ABCG1: variants seen among roughly 807,000 people sequenced by gnomAD.
ABCG1 encodes the protein ATP binding cassette subfamily G member 1, also known as ATP-binding cassette sub-family G member 1.
A neutral mutation model predicts 69.2 loss-of-function variants in ABCG1; 29 were observed. That is an observed-to-expected ratio of 0.42 (90% confidence interval 0.31 to 0.57). ABCG1 has a LOEUF of 0.57. Among genes scored for constraint, ABCG1 ranks in the 20% least tolerant of loss-of-function variants. The probability of loss-of-function intolerance (pLI) is 0.15; values close to 1 mark genes in which losing one functional copy is unlikely to be tolerated. For missense variants in ABCG1, 718 were observed against 898.1 expected (o/e 0.80, Z 2.56); for synonymous variants, 370 against 374.8 (o/e 0.99, Z 0.15).
upstream of ABCG1, among the ~76,000 whole-genome samples, chr21:42,215,330 T>C (rs900524487): frequency 5.9e-5 from 9 of 152,194 alleles, 1 homozygote; most frequent in South Asian, 1.4e-3. Context: ...GTCCTCAGTG[T>C]GCCCCTTTCT....
rs1265338725 is a variant in ABCG1 at position 42,273,751 on chromosome 21, C to T, written c.537+316C>T. Among the ~76,000 whole-genome samples, 2 of 152,222 alleles carry T rather than the reference C, an allele frequency of 1.3e-5. No homozygotes were observed. The highest frequency in any genetic ancestry group is 2.9e-5 in the Non-Finnish European group (2 of 68,044). On this transcript the variant is annotated intron_variant, in intron 4 of 14. Coordinates refer to ENST00000398449, the MANE Select transcript of ABCG1 (RefSeq NM_016818.3). The surrounding 1 kb of genome is among the most constrained non-coding windows in gnomAD (Gnocchi z 5.3). ...CTCCAGGGCAGCCACCATACTATTT[C>T]TCCTGCAGGCCAGTGCTTGGGATTC...
chr21:42,286,833 G>A (rs371053259), intron 8 of ABCG1, among the ~76,000 whole-genome samples: 10 of 152,314 alleles, frequency 6.6e-5, no homozygotes, highest in East Asian at 3.9e-4. Flanking sequence ...CCTCAATGTC[G>A]TCTGACCAGA....
chr21:42,222,828 T>TGCAA (rs2067751064), intron 1 of ABCG1, among the ~76,000 whole-genome samples: 1 of 152,238 alleles, frequency 6.6e-6, no homozygotes, highest in Non-Finnish European at 1.5e-5. Flanking sequence ...ATTTAATACT[T>TGCAA]TACATTGCAA....
chr21:42,245,055 C>T (rs1234762307), intron 2 of ABCG1, among the ~76,000 whole-genome samples: 1 of 152,242 alleles, frequency 6.6e-6, no homozygotes, highest in Non-Finnish European at 1.5e-5. Flanking sequence ...TCCACGAGCT[C>T]AGGCCTGCAG....
In ABCG1 at chr21:42,297,218, C is replaced by T. The variant is rs1019265743; in HGVS notation, c.*826C>T. On this transcript the variant is annotated 3_prime_UTR_variant, in exon 15 of 15. Coordinates refer to ENST00000398449, the MANE Select transcript of ABCG1 (RefSeq NM_016818.3). ...TTTTCCACGTGCTTCTTATTTTAAG[C>T]GAAATATATTGTTTGTTTCTTCCTA... 9 of 152,186 alleles carry T rather than the reference C, an allele frequency of 5.9e-5. No homozygotes were observed. The highest frequency in any genetic ancestry group is 5.2e-4 in the Admixed American group (8 of 15,272). 9.4% of individuals were successfully genotyped at this position (152,186 alleles called of 1,614,324 possible). A position where few individuals can be genotyped will look rare whatever the true frequency, so the allele number is the denominator to read the frequency against.
chr21:42,281,823 C>T (rs541067449), intron 5 of ABCG1, among the ~76,000 whole-genome samples: 2 of 152,344 alleles, frequency 1.3e-5, no homozygotes, highest in East Asian at 1.9e-4. Flanking sequence ...ACCATCACAG[C>T]GACCCTCCCC....
intron 2 of ABCG1, among the ~76,000 whole-genome samples, chr21:42,202,546 G>A (rs1423022157): frequency 6.7e-6 from 1 of 150,156 alleles, no homozygotes; most frequent in African/African-American, 2.5e-5. Context: ...TCCCTCTCTC[G>A]GCAGCTCCCA....
intron 13 of ABCG1, among the ~76,000 whole-genome samples, chr21:42,292,743 C>CTA (rs2069092434): frequency 1.4e-5 from 2 of 143,022 alleles, no homozygotes; most frequent in Non-Finnish European, 3.0e-5. Flanking sequence ...TGCATACACA[C>CTA]CACACTACAC....
chr21:42,244,736 A>T (rs1032469474), intron 2 of ABCG1, among the ~76,000 whole-genome samples: 4 of 152,210 alleles, frequency 2.6e-5, no homozygotes, highest in Non-Finnish European at 4.4e-5. Flanking sequence ...ACTCAAGGAC[A>T]GGGCTGTTTA....
intron 5 of ABCG1, among the ~76,000 whole-genome samples, chr21:42,277,831 G>A (rs1309376749): frequency 1.3e-5 from 2 of 152,172 alleles, no homozygotes; most frequent in African/African-American, 2.4e-5. Flanking sequence ...ACATACTGAG[G>A]AACAGTCATA....
Position 42,296,268 on chromosome 21 carries a change from T to C in ABCG1, c.1877T>C (p.Leu626Pro). ...TCHFQKSEAI[L>P]RELDVENAKL... ...CACTTCCAGAAGTCGGAGGCCATCC[T>C]GCGGGAGCTGGACGTGGAAAATGCC... The change falls in exon 15 of 15, where the codon CTG becomes CCG. Residue 626 changes from leucine (L) to proline (P), a missense_variant. Coordinates refer to ENST00000398449, the MANE Select transcript of ABCG1 (RefSeq NM_016818.3). The surrounding 1 kb of genome is among the most constrained non-coding windows in gnomAD (Gnocchi z 5.4). The C allele has an allele frequency of 6.2e-7, 1 of 1,614,206 alleles. No individual in the cohort carries two copies. Among genetic ancestry groups the C allele is most frequent in the South Asian group, 1.1e-5 (1 of 91,084 alleles).
chr21:42,257,017 A>G (rs1040249824), intron 2 of ABCG1, among the ~76,000 whole-genome samples: 1 of 152,176 alleles, frequency 6.6e-6, no homozygotes, highest in African/African-American at 2.4e-5. Context: ...ACCATTTTCT[A>G]TATGCCGGGC....
At position 42,267,016 on chromosome 21, in the gene ABCG1, A is replaced by C. The variant is rs569705925; in HGVS notation, c.287-4054A>C. Among the ~76,000 whole-genome samples, 12 of 152,250 alleles carry C rather than the reference A, an allele frequency of 7.9e-5. No homozygotes were observed. In the South Asian group the frequency reaches 2.5e-3, roughly 32 times the overall value. ...GCCTTGATTAATTGACTATGAATTT[A>C]TGTCCCCTAAAAAAGGATTAAGTTG... On this transcript the variant is annotated intron_variant, in intron 2 of 14. Coordinates refer to ENST00000398449, the MANE Select transcript of ABCG1 (RefSeq NM_016818.3).
intron 2 of ABCG1, among the ~76,000 whole-genome samples, chr21:42,252,422 G>C (rs1041396218): frequency 1.4e-4 from 22 of 152,140 alleles, no homozygotes; most frequent in African/African-American, 5.3e-4. Context: ...TCTGTGTGTG[G>C]ACGGGCCAAG....
intron 5 of ABCG1, among the ~76,000 whole-genome samples, chr21:42,281,460 C>G (rs1436633522): frequency 1.3e-5 from 2 of 152,202 alleles, no homozygotes. Context: ...TGAGTCGATA[C>G]AGGATCAATA....
intron 5 of ABCG1, among the ~76,000 whole-genome samples, chr21:42,278,850 G>A (rs2068755411): frequency 6.6e-6 from 1 of 152,108 alleles, no homozygotes; most frequent in Non-Finnish European, 1.5e-5. Flanking sequence ...TTGAGCCAGG[G>A]CGACCTTCAC....
At chr21:42,256,008 C>A (rs921435291) in intron 2 of ABCG1, 5 of 455,096 alleles carry the variant, frequency 1.1e-5, no homozygotes, top group African/African-American at 2.0e-5. Flanking sequence ...AGCCAGGGAG[C>A]CCCTAGAGCA....
In ABCG1 at chr21:42,276,715, G is replaced by C. The variant is rs1355656004; in HGVS notation, c.538-180G>C. The C allele has an allele frequency of 7.9e-6, 5 of 635,980 alleles. No individual in the cohort carries two copies. The highest frequency in any genetic ancestry group is 1.4e-5 in the Non-Finnish European group (5 of 361,020). 39.4% of individuals were successfully genotyped at this position (635,980 alleles called of 1,614,324 possible). A position where few individuals can be genotyped will look rare whatever the true frequency, so the allele number is the denominator to read the frequency against. Reference sequence around the variant, plus strand: ...ACCGTGACTAGTGGCACCGTGGCTAGCTGCACCGTGGCTAGCGGCATTGTG... The same window carrying C: ...ACCGTGACTAGTGGCACCGTGGCTACCTGCACCGTGGCTAGCGGCATTGTG... On this transcript the variant is annotated intron_variant, in intron 4 of 14. Transcript: ENST00000398449. The surrounding 1 kb of genome is among the most constrained non-coding windows in gnomAD (Gnocchi z 5.3).
At chr21:42,218,048 T>C (rs1002047266), upstream of ABCG1, among the ~76,000 whole-genome samples, 3 of 152,108 alleles carry the variant, frequency 2.0e-5, no homozygotes, top group Non-Finnish European at 4.4e-5. Context: ...CTTTCTCTCC[T>C]TCGATTTGAG....
Sources: allele counts gnomAD v4.1 joint callset (sites outside exome capture counted in the v4.1 genomes callset), GRCh38; gene constraint gnomAD v4.1.1; non-coding constraint Gnocchi (gnomAD v3.1); transcripts MANE v1.5; gene names NCBI Gene and HGNC (gene_info 2026-07-23, HGNC 2026-07-21).